Variants in CASP6 observed in about 807,000 individuals in gnomAD.
The protein encoded by CASP6 is caspase-6.
CASP6 carries 20 observed loss-of-function variants against 31.8 expected under a neutral mutation model. The ratio of observed to expected loss-of-function variants is 0.63; its 90% CI spans 0.44 to 0.91. CASP6 has a LOEUF of 0.91. CASP6 is among the 40% of genes least tolerant of loss of function. CASP6 has a pLI of 0.00. For missense variants in CASP6, 328 were observed against 361.1 expected, an observed-to-expected ratio of 0.91 and a Z score of 0.74; for synonymous variants, 130 against 127.8, an observed-to-expected ratio of 1.02 and a Z score of -0.12.
chr4:109,695,238 T>G (rs1403952833), intron 4 of CASP6, among the ~76,000 whole-genome samples: 1 of 152,162 alleles, frequency 6.6e-6, no homozygotes, highest in Non-Finnish European at 1.5e-5. Context: ...TTTATTAAAG[T>G]TCAGAGTAAT....
chr4:109,685,576 G>A (rs915273647), downstream of CASP6, among the ~76,000 whole-genome samples: 8 of 152,172 alleles, frequency 5.3e-5, no homozygotes, highest in African/African-American at 1.9e-4. Flanking sequence ...CTTTAAATAT[G>A]TGTGTTAAAA....
chr4:109,671,077 C>G, the CASP6 span, among the ~76,000 whole-genome samples: 1 of 152,188 alleles, frequency 6.6e-6, no homozygotes, highest in Non-Finnish European at 1.5e-5. Context: ...CAGCAATTTT[C>G]CCTCTAACCT....
chr4:109,667,714 C>T, the CASP6 span, among the ~76,000 whole-genome samples: 556 of 149,884 alleles, frequency 3.7e-3, 16 homozygotes, highest in South Asian at 0.06. Flanking sequence ...TTCATTTGCT[C>T]CTCTTTCTCT....
the CASP6 span, among the ~76,000 whole-genome samples, chr4:109,672,491 C>G: frequency 6.6e-6 from 1 of 152,176 alleles, no homozygotes; most frequent in South Asian, 2.1e-4. Context: ...CTTCTTCTCC[C>G]AGTAAGCTAT....
chr4:109,683,756 T>C (rs924328888), downstream of CASP6, among the ~76,000 whole-genome samples: 1 of 152,218 alleles, frequency 6.6e-6, no homozygotes, highest in African/African-American at 2.4e-5. Flanking sequence ...CTATTGAGAA[T>C]GAATCTGTAA....
At chr4:109,679,884 C>G in the CASP6 span, among the ~76,000 whole-genome samples, 1 of 152,140 alleles carries the variant, frequency 6.6e-6, no homozygotes, top group Non-Finnish European at 1.5e-5. Context: ...TCACTGCAAC[C>G]TCTGCCTTCT....
intron 1 of CASP6, among the ~76,000 whole-genome samples, 180 bp from the exon 2 acceptor site, chr4:109,698,522 A>G (rs113896631): frequency 1.3e-5 from 2 of 152,200 alleles, no homozygotes; most frequent in African/African-American, 2.4e-5. Flanking sequence ...TAAACAAACT[A>G]TAACAGCTCT....
At chr4:109,704,062 GTA>G (rs5030513), upstream of CASP6, among the ~76,000 whole-genome samples, 1,342 of 152,266 alleles carry the variant, frequency 8.8e-3, 52 homozygotes, top group East Asian at 0.083. Context: ...CATAAGCCCT[GTA>G]TGTGTTTGGA....
upstream of CASP6, among the ~76,000 whole-genome samples, chr4:109,704,107 C>A (rs1263137595): frequency 2.6e-5 from 4 of 152,344 alleles, no homozygotes; most frequent in African/African-American, 7.2e-5. Context: ...CTCTCTCCCC[C>A]TCCTGGGGCC....
chr4:109,692,661 T>C (rs1730095209), intron 5 of CASP6: 1 of 152,194 alleles, frequency 6.6e-6, no homozygotes, highest in South Asian at 2.1e-4. Flanking sequence ...TGCTCCTTTT[T>C]CAGGCTGTAT....
chr4:109,673,320 A>G, the CASP6 span, among the ~76,000 whole-genome samples: 71 of 152,156 alleles, frequency 4.7e-4, no homozygotes, highest in African/African-American at 1.7e-3. Context: ...AAACCACCAC[A>G]TGGACCATAA....
In CASP6 at chr4:109,694,561, G is replaced by A. The variant is rs766152957; in HGVS notation, c.447C>T (p.His149=). The part of the protein sequence containing the change: ...LTGLFKGDKC[H]SLVGKPKIFI... The stretch of plus-strand genomic sequence containing the variant: ...ATATCTTGGGTTTTCCAACCAGGCT[G>A]TGACACTTGTCTCCTTTGAACAAGC... The change falls in exon 5 of 7, where the codon CAC becomes CAT. Residue 149 remains histidine, a synonymous_variant. Coordinates refer to ENST00000265164, the MANE Select transcript of CASP6 (RefSeq NM_001226.4). 2.5e-6 allele frequency: 4 copies of A among 1,608,522 alleles called. No individual in the cohort carries two copies. The highest frequency in any genetic ancestry group is 3.4e-5 in the Admixed American group (2 of 58,882).
upstream of CASP6, among the ~76,000 whole-genome samples, chr4:109,707,300 A>C (rs2126164283): frequency 6.6e-6 from 1 of 152,088 alleles, no homozygotes; most frequent in Non-Finnish European, 1.5e-5. Context: ...CCCCAGTGCA[A>C]GTTACTTTGT....
the CASP6 span, chr4:109,682,548 GT>G: frequency 6.4e-7 from 1 of 1,565,394 alleles, no homozygotes; most frequent in Non-Finnish European, 8.7e-7. Context: ...GAACAATGTG[GT>G]GACTGGCTTG....
At position 109,690,925 on chromosome 4, in the gene CASP6, TTA is replaced by T; in HGVS notation, c.566_567del (p.Ile189AsnfsTer2). 4 of 1,613,726 alleles carry T rather than the reference TTA, an allele frequency of 2.5e-6. No homozygotes were observed. The highest frequency in any genetic ancestry group is 3.4e-6 in the Non-Finnish European group (4 of 1,179,806). On this transcript the variant is annotated frameshift_variant, in exon 6 of 7. Coordinates refer to ENST00000265164, the MANE Select transcript of CASP6 (RefSeq NM_001226.4). LOFTEE classifies it high-confidence loss of function. ...DNQTEKLDTN[I>X]TEVDAASVYT... is the part of the protein sequence containing the mutation. ...TAAACGGAGGCTGCATCCACCTCAG[TTA>T]TGTTGGTGTCCAACTTCTCTGTCTG... is the stretch of plus-strand genomic sequence containing the variant.
Position 109,689,290 on chromosome 4 carries a change from A to G in CASP6, c.*40T>C. 1 of 1,589,020 alleles carries G rather than the reference A, an allele frequency of 6.3e-7. No individual in the cohort carries two copies. The highest frequency in any genetic ancestry group is 8.6e-7 in the Non-Finnish European group (1 of 1,159,454). ...GTAACCACGCCTGGCTGAGAAAGCC[A>G]TTTTCAATACAGAGTGTAAAATTAG... On this transcript the variant is annotated 3_prime_UTR_variant, in exon 7 of 7. Coordinates refer to ENST00000265164, the MANE Select transcript of CASP6 (RefSeq NM_001226.4).
intron 5 of CASP6, 135 bp from the exon 6 acceptor site, chr4:109,691,144 C>T (rs913596605): frequency 5.5e-6 from 5 of 911,774 alleles, no homozygotes; most frequent in Non-Finnish European, 7.7e-6. Context: ...AGAAGCAATA[C>T]ATTCAGGTTT....
chr4:109,695,326 C>G (rs1449645017), intron 4 of CASP6, among the ~76,000 whole-genome samples: 2 of 152,156 alleles, frequency 1.3e-5, no homozygotes, highest in East Asian at 3.8e-4. Flanking sequence ...GATAGGGAAT[C>G]TCACTTAAGA....
upstream of CASP6, among the ~76,000 whole-genome samples, chr4:109,707,642 C>T (rs1366001749): frequency 1.3e-5 from 2 of 152,070 alleles, no homozygotes; most frequent in African/African-American, 2.4e-5. Flanking sequence ...CTTGGCCTCC[C>T]AGAATGTTGG....
Sources: allele counts gnomAD v4.1 joint callset (sites outside exome capture counted in the v4.1 genomes callset), GRCh38; gene constraint gnomAD v4.1.1; transcripts MANE v1.5; gene names NCBI Gene and HGNC (gene_info 2026-07-23, HGNC 2026-07-21).